The following EYS variants were observed in gnomAD, a reference collection of about 807,000 sequenced individuals.
The protein encoded by EYS is EGF-like photoreceptor maintenance factor, also known as protein eyes shut homolog.
Under a neutral mutation model 282.1 loss-of-function variants are expected in EYS, and 250 were observed. The observed-to-expected ratio is 0.89, with a 90% CI of 0.80 to 0.98. The LOEUF is 0.98. Among genes scored for constraint, EYS ranks in the 50% least tolerant of loss-of-function variants. The probability of loss-of-function intolerance (pLI) is 0.00; values close to 1 mark genes in which losing one functional copy is unlikely to be tolerated. For missense variants in EYS, 4,016 were observed against 3,709.0 expected, an observed-to-expected ratio of 1.08 and a Z score of -2.15; for synonymous variants, 1,355 against 1,282.9, an observed-to-expected ratio of 1.06 and a Z score of -1.20.
chr6:64,083,670 G>C (rs539101319), intron 31 of EYS, among the ~76,000 whole-genome samples: 1 of 152,318 alleles, frequency 6.6e-6, no homozygotes, highest in Non-Finnish European at 1.5e-5. Context: ...TCATGGTAGG[G>C]ATGCCAGATA....
chr6:64,320,312 T>G (rs1371155810), intron 29 of EYS, among the ~76,000 whole-genome samples: 1 of 151,920 alleles, frequency 6.6e-6, no homozygotes, highest in Non-Finnish European at 1.5e-5. Context: ...GGAACTCCAG[T>G]TACTTGAAAT....
At chr6:64,607,481 C>A (rs570687488) in intron 24 of EYS, among the ~76,000 whole-genome samples, 14 of 152,124 alleles carry the variant, frequency 9.2e-5, no homozygotes, top group African/African-American at 3.4e-4. Flanking sequence ...ACTATGTCCT[C>A]ATAGGCTGGA....
At position 64,066,412 on chromosome 6, in the gene EYS, T is replaced by G. The variant is rs1413140889; in HGVS notation, c.6651A>C (p.Gly2217=). The change falls in exon 33 of 43, where the codon GGA becomes GGC. Residue 2217 remains glycine, a synonymous_variant. Transcript: ENST00000503581. ...AAACAGTCAAAATATTTTGAGAATT[T>G]CCACACCCATATTTAACTGATGGCC... ...EGRPSVKYGC[G]NSQNILTVSA... 6.4e-7 allele frequency: 1 copy of G among 1,550,486 alleles called. No individual in the cohort carries two copies. The highest frequency in any genetic ancestry group is 8.7e-7 in the Non-Finnish European group (1 of 1,146,034).
At chr6:65,127,611 A>G (rs943517325) in intron 12 of EYS, among the ~76,000 whole-genome samples, 2 of 152,152 alleles carry the variant, frequency 1.3e-5, no homozygotes, top group East Asian at 3.9e-4. Flanking sequence ...CAGGAAGCCT[A>G]TGTATCTAAT....
intron 12 of EYS, among the ~76,000 whole-genome samples, chr6:65,261,142 C>T (rs1274911257): frequency 6.6e-6 from 1 of 151,958 alleles, no homozygotes; most frequent in Non-Finnish European, 1.5e-5. Flanking sequence ...TTATCTATGT[C>T]ACTCAGGTTC....
intron 31 of EYS, among the ~76,000 whole-genome samples, chr6:64,217,008 C>T (rs1264974596): frequency 6.6e-6 from 1 of 152,096 alleles, no homozygotes; most frequent in Non-Finnish European, 1.5e-5. Context: ...TGCAGGATAA[C>T]AGATTTGCTT....
intron 12 of EYS, among the ~76,000 whole-genome samples, chr6:65,251,603 A>AT (rs1235445488): frequency 1.3e-5 from 2 of 152,048 alleles, no homozygotes; most frequent in Non-Finnish European, 2.9e-5. Flanking sequence ...CTCACTGAAT[A>AT]TAGCTATAGA....
intron 5 of EYS, among the ~76,000 whole-genome samples, chr6:65,476,648 C>A (rs1481344244): frequency 6.6e-6 from 1 of 152,070 alleles, no homozygotes; most frequent in Non-Finnish European, 1.5e-5. Flanking sequence ...GCGATCTCAG[C>A]TCACTGCAAC....
intron 22 of EYS, among the ~76,000 whole-genome samples, chr6:64,808,093 C>T (rs1035861728): frequency 2.7e-5 from 4 of 149,792 alleles, no homozygotes; most frequent in African/African-American, 9.8e-5. Flanking sequence ...CCTCCCTTCC[C>T]TTCTTCCCTT....
At chr6:63,876,927 G>T (rs1242672892) in intron 35 of EYS, among the ~76,000 whole-genome samples, 1 of 152,024 alleles carries the variant, frequency 6.6e-6, no homozygotes, top group African/African-American at 2.4e-5. Flanking sequence ...TATCCAATTT[G>T]CTAGTCTGTG....
intron 24 of EYS, among the ~76,000 whole-genome samples, chr6:64,599,692 AT>A (rs1422702733): frequency 1.3e-5 from 2 of 152,160 alleles, no homozygotes; most frequent in African/African-American, 2.4e-5. Context: ...GTGTTATCCC[AT>A]AGTCCTGTCT....
chr6:64,395,469 C>G (rs192902265), intron 28 of EYS, among the ~76,000 whole-genome samples: 1 of 152,130 alleles, frequency 6.6e-6, no homozygotes, highest in Non-Finnish European at 1.5e-5. Flanking sequence ...ATGATGAGTT[C>G]GTGTCCTTTG....
chr6:65,584,374 C>T (rs146909420), intron 2 of EYS, among the ~76,000 whole-genome samples: 1 of 152,042 alleles, frequency 6.6e-6, no homozygotes, highest in East Asian at 1.9e-4. Context: ...GAAAATTATC[C>T]AATCCAAAAG....
chr6:64,062,708 AAAG>A lies in EYS; in HGVS notation c.6725+3627_6725+3629del, dbSNP rs1277725232. Among the ~76,000 whole-genome samples the A allele has an allele frequency of 2.8e-4, 42 of 151,678 alleles. 1 individual carries two copies. Among genetic ancestry groups the A allele is most frequent in the African/African-American group, 7.5e-4 (31 of 41,342 alleles). ...CTCCAACTCAAAAAAAAAAAAAAAA[AAAG>A]AAGAAGAAACTTATGTTCTCCCTTT... On this transcript the variant is annotated intron_variant, in intron 33 of 42. Transcript: ENST00000503581.
At chr6:63,823,474 G>C (rs1177493577) in intron 36 of EYS, among the ~76,000 whole-genome samples, 1 of 152,054 alleles carries the variant, frequency 6.6e-6, no homozygotes, top group Non-Finnish European at 1.5e-5. Flanking sequence ...TGGTTTTCTA[G>C]AATAACATTC....
intron 12 of EYS, among the ~76,000 whole-genome samples, chr6:65,137,862 A>T (rs1362534692): frequency 6.6e-6 from 1 of 152,132 alleles, no homozygotes; most frequent in Non-Finnish European, 1.5e-5. Flanking sequence ...TTTACTTGGA[A>T]AACATAAGTA....
chr6:65,475,444 A>C (rs1765365334), intron 5 of EYS, among the ~76,000 whole-genome samples: 1 of 152,136 alleles, frequency 6.6e-6, no homozygotes, highest in East Asian at 1.9e-4. Flanking sequence ...AAAATTCAAA[A>C]TTATAGGCTA....
At chr6:64,423,428 T>A (rs944373740) in intron 28 of EYS, among the ~76,000 whole-genome samples, 1 of 152,226 alleles carries the variant, frequency 6.6e-6, no homozygotes, top group Non-Finnish European at 1.5e-5. Context: ...ATATACACAA[T>A]GTTTCTAATT....
At chr6:63,819,268 T>C (rs1771261220) in intron 36 of EYS, among the ~76,000 whole-genome samples, 1 of 152,292 alleles carries the variant, frequency 6.6e-6, no homozygotes, top group African/African-American at 2.4e-5. Flanking sequence ...CATACCTGTT[T>C]GTGTGGTTTC....
Sources: gnomAD v4.1 joint callset for allele counts (sites outside exome capture counted in the v4.1 genomes callset) on GRCh38, gnomAD v4.1.1 for gene constraint, MANE v1.5 for transcripts, NCBI Gene and HGNC (gene_info 2026-07-23, HGNC 2026-07-21) for gene names.